Variants in TTPAL observed in about 807,000 individuals in gnomAD.
The protein encoded by TTPAL is alpha-tocopherol transfer protein-like.
TTPAL carries 21 observed loss-of-function variants against 28.7 expected under a neutral mutation model. The observed-to-expected ratio is 0.73, with a 90% CI of 0.52 to 1.06. The LOEUF is 1.06. TTPAL is among the 50% of genes least tolerant of loss of function. The probability of loss-of-function intolerance (pLI) is 0.00; values close to 1 mark genes in which losing one functional copy is unlikely to be tolerated. For missense variants in TTPAL, 345 were observed against 425.5 expected, an observed-to-expected ratio of 0.81 and a Z score of 1.67; for synonymous variants, 169 against 171.9, an observed-to-expected ratio of 0.98 and a Z score of 0.13.
intron 2 of TTPAL, among the ~76,000 whole-genome samples, chr20:44,483,201 T>C (rs886980232): frequency 2.6e-5 from 4 of 152,104 alleles, no homozygotes; most frequent in Non-Finnish European, 4.4e-5. Flanking sequence ...TCACGTTAGC[T>C]GAAACAAACA....
At position 44,486,648 on chromosome 20, in the gene TTPAL, T is replaced by A; in HGVS notation, c.692T>A (p.Ile231Lys). The A allele has an allele frequency of 6.2e-7, 1 of 1,613,834 alleles. No homozygotes were observed. Among genetic ancestry groups the A allele is most frequent in the African/African-American group, 1.3e-5 (1 of 75,052 alleles). ...KAVHVVNEPR[I>K]FKGIFAIIKP... is the part of the protein sequence containing the mutation. ...GTCCATGTGGTGAATGAACCTCGAA[T>A]ATTTAAAGGCATTTTTGCCATCATA... The change falls in exon 4 of 5, where the codon ATA becomes AAA. Residue 231 changes from isoleucine (I) to lysine (K), a missense_variant. Coordinates refer to ENST00000262605, the MANE Select transcript of TTPAL (RefSeq NM_001039199.3).
intron 3 of TTPAL, chr20:44,485,658 C>T (rs1330990392): frequency 6.6e-6 from 1 of 152,172 alleles, no homozygotes; most frequent in Admixed American, 6.5e-5. Context: ...TTGAGCCAAC[C>T]CTGGCTTTCC....
chr20:44,487,407 G>T (rs546325057), intron 4 of TTPAL, among the ~76,000 whole-genome samples: 206 of 152,284 alleles, frequency 1.4e-3, no homozygotes, highest in African/African-American at 4.9e-3. Context: ...ATGGGCTATG[G>T]TCTTGCCACT....
chr20:44,476,271 A>G (rs138900004), intron 1 of TTPAL, among the ~76,000 whole-genome samples: 37 of 152,082 alleles, frequency 2.4e-4, no homozygotes, highest in African/African-American at 7.5e-4. Context: ...CAGGTGGGGG[A>G]GATCTTTGGC....
chr20:44,476,489 G>T lies in TTPAL; in HGVS notation c.-16+498G>T, dbSNP rs569538878. On this transcript the variant is annotated intron_variant, in intron 1 of 4. Transcript: ENST00000262605. ...CCTCACCGGGTGTGCCCCCTTGGGC[G>T]AATCGCTTAACCTATATCCTCCGCT... Among the ~76,000 whole-genome samples the T allele has an allele frequency of 2.0e-5, 3 of 152,344 alleles. No individual in the cohort carries two copies. In the South Asian group the frequency reaches 6.2e-4, roughly 32 times the overall value.
chr20:44,485,862 G>C (rs1342458333), intron 3 of TTPAL: 2 of 152,192 alleles, frequency 1.3e-5, no homozygotes, highest in East Asian at 3.9e-4. Context: ...TAAAGGCTCT[G>C]AACAGGAATG....
chr20:44,487,960 G>A (rs2064167847), intron 4 of TTPAL, among the ~76,000 whole-genome samples: 1 of 152,196 alleles, frequency 6.6e-6, no homozygotes, highest in African/African-American at 2.4e-5. Context: ...GTAGAGATAG[G>A]CTTTTACCAT....
intron 2 of TTPAL, among the ~76,000 whole-genome samples, chr20:44,482,806 T>C (rs1264405823): frequency 6.6e-6 from 1 of 151,916 alleles, no homozygotes; most frequent in Non-Finnish European, 1.5e-5. Context: ...GAGGGGAACA[T>C]AGCACTATGT....
At chr20:44,482,654 A>C (rs1328030788) in intron 2 of TTPAL, among the ~76,000 whole-genome samples, 2 of 151,828 alleles carry the variant, frequency 1.3e-5, no homozygotes, top group East Asian at 3.9e-4. Context: ...TTTAAGAAAG[A>C]GGCACATAGA....
intron 2 of TTPAL, among the ~76,000 whole-genome samples, chr20:44,482,889 G>A (rs759727681): frequency 2.6e-5 from 4 of 151,906 alleles, no homozygotes; most frequent in African/African-American, 2.4e-5. Flanking sequence ...ACAGAGTCTC[G>A]CTCTGTTGCC....
At position 44,489,994 on chromosome 20, in the gene TTPAL, A is replaced by C. The variant is rs1249416998; in HGVS notation, c.*453A>C. On this transcript the variant is annotated 3_prime_UTR_variant, in exon 5 of 5. Coordinates refer to ENST00000262605, the MANE Select transcript of TTPAL (RefSeq NM_001039199.3). ...CAGTGTGACCAAATGTGAGACTGGG[A>C]GTTTGTGTTTTTCACAGGAACCCTA... 1.1e-5 allele frequency: 2 copies of C among 175,006 alleles called. No homozygotes were observed. Among genetic ancestry groups the C allele is most frequent in the Non-Finnish European group, 2.5e-5 (2 of 80,310 alleles). 10.8% of individuals were successfully genotyped at this position (175,006 alleles called of 1,614,324 possible).
intron 2 of TTPAL, among the ~76,000 whole-genome samples, chr20:44,483,393 G>A (rs777361418): frequency 6.6e-6 from 1 of 152,108 alleles, no homozygotes; most frequent in Non-Finnish European, 1.5e-5. Flanking sequence ...ACTACAAGAG[G>A]GAAGACAGAA....
At chr20:44,478,446 C>T (rs1028074652) in intron 1 of TTPAL, among the ~76,000 whole-genome samples, 2 of 152,228 alleles carry the variant, frequency 1.3e-5, no homozygotes, top group Non-Finnish European at 2.9e-5. Context: ...GTTCTGGCTT[C>T]CCCTGGATAG....
chr20:44,484,516 A>G lies in TTPAL; in HGVS notation c.625A>G (p.Ile209Val), dbSNP rs1568771102. The change falls in exon 3 of 5, where the codon ATT becomes GTT. Residue 209 changes from isoleucine (I) to valine (V), a missense_variant. Transcript: ENST00000262605. ...HFGPFIAKKV[I>V]GILQDGFPIR... ...TGGCCCTTTTATAGCCAAAAAGGTGATTGGCATCCTCCAGGTAAGACCCGT... is the reference window on the plus strand; with the variant it reads ...TGGCCCTTTTATAGCCAAAAAGGTGGTTGGCATCCTCCAGGTAAGACCCGT... The G allele has an allele frequency of 1.3e-6, 2 of 1,576,314 alleles. No individual in the cohort carries two copies. The highest frequency in any genetic ancestry group is 1.7e-6 in the Non-Finnish European group (2 of 1,149,792).
chr20:44,484,593 T>C lies in TTPAL; in HGVS notation c.639+63T>C. The C allele has an allele frequency of 3.1e-6, 4 of 1,310,414 alleles. No homozygotes were observed. In the South Asian group the frequency reaches 6.3e-5, roughly 21 times the overall value. 81.2% of individuals were successfully genotyped at this position (1,310,414 alleles called of 1,614,324 possible). ...TCTGGCTTTCCCCAGGGCCTGTCCATTTACTGTGGGTCTCACATGATACAC... is the reference window on the plus strand; with the variant it reads ...TCTGGCTTTCCCCAGGGCCTGTCCACTTACTGTGGGTCTCACATGATACAC... On this transcript the variant is annotated intron_variant, in intron 3 of 4. Coordinates refer to ENST00000262605, the MANE Select transcript of TTPAL (RefSeq NM_001039199.3).
At chr20:44,482,770 T>TA (rs1199281506) in intron 2 of TTPAL, among the ~76,000 whole-genome samples, 1 of 152,020 alleles carries the variant, frequency 6.6e-6, no homozygotes, top group Non-Finnish European at 1.5e-5. Context: ...TGGGGTGTAT[T>TA]AAAAAAGTAT....
In TTPAL at chr20:44,484,346, T is replaced by A. The variant is rs1198568910; in HGVS notation, c.455T>A (p.Ile152Lys). Residue 152 changes from isoleucine to lysine, a missense_variant, in exon 3 of 5, where the codon ATA becomes AAA. Ile to Lys is a moderately radical substitution (Grantham distance 102). Transcript: ENST00000262605. ...HVVCIRPDRW[I>K]PSNYPITENI... The stretch of plus-strand genomic sequence containing the variant: ...TCTCTTATGACCTTAGACAGATGGA[T>A]ACCAAGCAACTATCCAATTACTGAA... 1 of 1,573,536 alleles carries A rather than the reference T, an allele frequency of 6.4e-7. No individual in the cohort carries two copies. Among genetic ancestry groups the A allele is most frequent in the Non-Finnish European group, 8.7e-7 (1 of 1,148,046 alleles).
intron 2 of TTPAL, among the ~76,000 whole-genome samples, chr20:44,482,380 C>A (rs2064113319): frequency 6.7e-6 from 1 of 149,900 alleles, no homozygotes; most frequent in Non-Finnish European, 1.5e-5. Context: ...CGGCCCCCGC[C>A]TCCCCCCAAC....
Position 44,490,600 on chromosome 20 carries a change from G to A in TTPAL, c.*1059G>A, listed in dbSNP as rs2064196172. 1 of 152,278 alleles carries A rather than the reference G, an allele frequency of 6.6e-6. No homozygotes were observed. The highest frequency in any genetic ancestry group is 2.1e-4 in the South Asian group (1 of 4,838). The allele number at this position is 152,278 out of a possible 1,614,324, so 9.4% of individuals were successfully genotyped here. A position where few individuals can be genotyped will look rare whatever the true frequency, so the allele number is the denominator to read the frequency against. ...CCTGCCTTTAAAGAAACTATTATGTGTATTCCTGGGACTCACTGACACCAA... is the reference window on the plus strand; with the variant it reads ...CCTGCCTTTAAAGAAACTATTATGTATATTCCTGGGACTCACTGACACCAA... On this transcript the variant is annotated 3_prime_UTR_variant, in exon 5 of 5. Transcript: ENST00000262605.
Sources: gnomAD v4.1 joint callset for allele counts (sites outside exome capture counted in the v4.1 genomes callset) on GRCh38, gnomAD v4.1.1 for gene constraint, MANE v1.5 for transcripts, NCBI Gene and HGNC (gene_info 2026-07-23, HGNC 2026-07-21) for gene names.